The following ADAMTS19 variants were observed in gnomAD, a reference collection of about 807,000 sequenced individuals.
The protein encoded by ADAMTS19 is A disintegrin and metalloproteinase with thrombospondin motifs 19.
In ADAMTS19, 93 loss-of-function variants were observed where a neutral mutation model predicts 153.3. The ratio of observed to expected loss-of-function variants is 0.61; its 90% CI spans 0.51 to 0.72. The LOEUF (loss-of-function observed/expected upper bound fraction) is 0.72, where lower values mean the gene tolerates loss of function less well. Among genes scored for constraint, ADAMTS19 ranks in the 30% least tolerant of loss-of-function variants. The probability of loss-of-function intolerance (pLI) is 0.00; values close to 1 mark genes in which losing one functional copy is unlikely to be tolerated. For missense variants in ADAMTS19, 1,482 were observed against 1,552.1 expected (o/e 0.95, Z 0.76); for synonymous variants, 600 against 556.6 (o/e 1.08, Z -1.10).
chr5:129,592,076 T>A (rs1419797122), intron 7 of ADAMTS19, among the ~76,000 whole-genome samples: 1 of 152,006 alleles, frequency 6.6e-6, no homozygotes, highest in African/African-American at 2.4e-5. Flanking sequence ...TTCCAGAACT[T>A]TTTGTATTAA....
intron 10 of ADAMTS19, among the ~76,000 whole-genome samples, chr5:129,623,862 TGTAATC>T (rs1389827026): frequency 9.3e-6 from 1 of 107,220 alleles, no homozygotes; most frequent in Non-Finnish European, 1.9e-5. Context: ...GGCTCACACC[TGTAATC>T]CCAGCACTTT....
At chr5:129,599,614 ATACGAGTTAATTTATT>A (rs1362096157) in intron 8 of ADAMTS19, among the ~76,000 whole-genome samples, 3 of 152,180 alleles carry the variant, frequency 2.0e-5, no homozygotes, top group African/African-American at 7.2e-5. Flanking sequence ...ATCAAATACA[ATACGAGTTAATTTATT>A]AACATCTAAA....
At chr5:129,704,127 T>C in intron 20 of ADAMTS19, 112 bp from the exon 21 acceptor site, 1 of 1,124,398 alleles carries the variant, frequency 8.9e-7, no homozygotes, top group East Asian at 2.5e-5. Flanking sequence ...TTATCTGGCT[T>C]TTATGGGTGA....
chr5:129,505,654 G>T (rs933963475), intron 2 of ADAMTS19, among the ~76,000 whole-genome samples: 5 of 151,966 alleles, frequency 3.3e-5, no homozygotes, highest in Admixed American at 1.3e-4. Flanking sequence ...AGTAAGAAAA[G>T]AAATGACTGG....
chr5:129,516,750 T>G (rs980833795), intron 3 of ADAMTS19, among the ~76,000 whole-genome samples: 2 of 137,420 alleles, frequency 1.5e-5, no homozygotes, highest in Non-Finnish European at 3.0e-5. Flanking sequence ...AGCAACCTTC[T>G]GTTTTATTGA....
At chr5:129,533,089 T>G (rs1261007258) in intron 6 of ADAMTS19, among the ~76,000 whole-genome samples, 3 of 151,346 alleles carry the variant, frequency 2.0e-5, no homozygotes, top group African/African-American at 7.3e-5. Flanking sequence ...GGCAACAGAG[T>G]GAGACTCCAC....
chr5:129,517,074 A>G (rs1014167331), intron 3 of ADAMTS19, among the ~76,000 whole-genome samples: 1 of 151,452 alleles, frequency 6.6e-6, no homozygotes, highest in African/African-American at 2.4e-5. Flanking sequence ...ATTTCCATGT[A>G]TTTGCATAAT....
At chr5:129,614,217 G>A (rs2126962054) in intron 8 of ADAMTS19, among the ~76,000 whole-genome samples, 1 of 152,120 alleles carries the variant, frequency 6.6e-6, no homozygotes, top group South Asian at 2.1e-4. Context: ...ACCAAAGCCT[G>A]GCAGAGACAC....
At chr5:129,504,904 C>CACACACACACACACA (rs1751224115) in intron 2 of ADAMTS19, among the ~76,000 whole-genome samples, 1 of 147,214 alleles carries the variant, frequency 6.8e-6, no homozygotes. Context: ...CACACACACA[C>CACACACACACACACA]CATTTTTTAA....
intron 7 of ADAMTS19, among the ~76,000 whole-genome samples, chr5:129,583,775 T>A (rs1749643679): frequency 6.6e-6 from 1 of 151,892 alleles, no homozygotes; most frequent in African/African-American, 2.4e-5. Context: ...TCATTTCTGT[T>A]CTTCTCAAAA....
intron 10 of ADAMTS19, among the ~76,000 whole-genome samples, chr5:129,629,143 G>A (rs1047723340): frequency 6.6e-6 from 1 of 151,986 alleles, no homozygotes; most frequent in African/African-American, 2.4e-5. Flanking sequence ...TGTATCTCTA[G>A]CACCCAAATA....
At chr5:129,543,779 C>T (rs1470689509) in intron 6 of ADAMTS19, among the ~76,000 whole-genome samples, 3 of 152,144 alleles carry the variant, frequency 2.0e-5, no homozygotes, top group Non-Finnish European at 4.4e-5. Flanking sequence ...GAAGTGTTCT[C>T]AGCTAAGAGA....
intron 7 of ADAMTS19, among the ~76,000 whole-genome samples, chr5:129,566,196 C>G (rs1753698263): frequency 6.6e-6 from 1 of 152,056 alleles, no homozygotes; most frequent in Admixed American, 6.5e-5. Flanking sequence ...CCTTCCCAAT[C>G]CTGTCCTCTA....
chr5:129,578,077 C>CACACACAT (rs1561580776), intron 7 of ADAMTS19, among the ~76,000 whole-genome samples: 1 of 107,834 alleles, frequency 9.3e-6, no homozygotes, highest in Non-Finnish European at 2.2e-5. Context: ...CACACACACA[C>CACACACAT]ACATATATAC....
At chr5:129,714,496 A>G (rs1446727715) in intron 21 of ADAMTS19, among the ~76,000 whole-genome samples, 1 of 152,066 alleles carries the variant, frequency 6.6e-6, no homozygotes, top group Non-Finnish European at 1.5e-5. Flanking sequence ...GCATAAGTAT[A>G]TAGAGCGTAA....
chr5:129,633,160 T>C (rs950050981), intron 10 of ADAMTS19, among the ~76,000 whole-genome samples: 1 of 152,168 alleles, frequency 6.6e-6, no homozygotes, highest in African/African-American at 2.4e-5. Context: ...CCTGCTCAAA[T>C]CCATTCAGTC....
intron 7 of ADAMTS19, among the ~76,000 whole-genome samples, chr5:129,570,465 G>T (rs1753857858): frequency 6.6e-6 from 1 of 151,506 alleles, no homozygotes; most frequent in Admixed American, 6.6e-5. Flanking sequence ...TCCAGCACTA[G>T]GATGTTTCAT....
intron 18 of ADAMTS19, among the ~76,000 whole-genome samples, chr5:129,691,298 C>T (rs1009493253): frequency 6.6e-6 from 1 of 151,870 alleles, no homozygotes; most frequent in Non-Finnish European, 1.5e-5. Context: ...CCAGATTTCC[C>T]CAAGACTAAT....
intron 15 of ADAMTS19, among the ~76,000 whole-genome samples, chr5:129,662,748 T>C (rs1462835232): frequency 6.6e-6 from 1 of 152,192 alleles, no homozygotes; most frequent in Non-Finnish European, 1.5e-5. Flanking sequence ...TGACTGTCTT[T>C]AGTCACCTTT....
Sources: allele counts gnomAD v4.1 joint callset (sites outside exome capture counted in the v4.1 genomes callset), GRCh38; gene constraint gnomAD v4.1.1; transcripts MANE v1.5; gene names NCBI Gene and HGNC (gene_info 2026-07-23, HGNC 2026-07-21).